NUP93: variants seen among roughly 807,000 people sequenced by gnomAD.
NUP93 encodes nuclear pore complex protein Nup93.
NUP93 carries 55 observed loss-of-function variants against 107.8 expected under a neutral mutation model. That is an observed-to-expected ratio of 0.51 (90% CI 0.41 to 0.64). The LOEUF is 0.64. Ranked by LOEUF, NUP93 falls within the 30% of genes least tolerant of loss-of-function variation. The probability of loss-of-function intolerance (pLI) is 0.00; values close to 1 mark genes in which losing one functional copy is unlikely to be tolerated. For missense variants in NUP93, 937 were observed against 1,044.7 expected, an observed-to-expected ratio of 0.90 and a Z score of 1.42; for synonymous variants, 390 against 397.5, an observed-to-expected ratio of 0.98 and a Z score of 0.22.
chr16:56,743,443 A>G (rs1961770640), intron 1 of NUP93, among the ~76,000 whole-genome samples: 1 of 152,090 alleles, frequency 6.6e-6, no homozygotes, highest in East Asian at 1.9e-4. Context: ...TTTTTCATTT[A>G]GTTAATTTGC....
intron 5 of NUP93, among the ~76,000 whole-genome samples, chr16:56,808,542 CTA>C (rs1183875559): frequency 1.0e-4 from 11 of 105,408 alleles, no homozygotes; most frequent in Non-Finnish European, 1.6e-4. Context: ...AGTTATATAA[CTA>C]TAAATATATA....
chr16:56,759,777 C>T (rs1962090726), intron 3 of NUP93, among the ~76,000 whole-genome samples: 1 of 151,856 alleles, frequency 6.6e-6, no homozygotes, highest in African/African-American at 2.4e-5. Context: ...TGAATAATCA[C>T]CATGTATTTT....
rs577250224 is a variant in NUP93, at chr16:56,733,864, C to T, written c.-15+3653C>T. On this transcript the variant is annotated intron_variant, in intron 1 of 21. Coordinates refer to ENST00000308159, the MANE Select transcript of NUP93 (RefSeq NM_014669.5). ...TACTTTTTTATAGCTTCAACTGTGTCCTCAAACAGCTAGATCCCCCATACA... is the reference window on the plus strand; with the variant it reads ...TACTTTTTTATAGCTTCAACTGTGTTCTCAAACAGCTAGATCCCCCATACA... Among the ~76,000 whole-genome samples the T allele has an allele frequency of 3.3e-5, 5 of 152,282 alleles. No homozygotes were observed. The South Asian group carries it at 1.0e-3, about 32-fold the overall frequency.
chr16:56,733,532 A>C (rs1036811523), intron 1 of NUP93, among the ~76,000 whole-genome samples: 4 of 152,266 alleles, frequency 2.6e-5, no homozygotes, highest in African/African-American at 9.6e-5. Flanking sequence ...TTACGAAAAG[A>C]GACTGGGAAC....
At chr16:56,817,347 T>A (rs985920407) in intron 5 of NUP93, among the ~76,000 whole-genome samples, 2 of 152,086 alleles carry the variant, frequency 1.3e-5, no homozygotes, top group African/African-American at 4.8e-5. Context: ...CTCCCCTCTC[T>A]CCCCCTCTCC....
At chr16:56,824,813 C>G (rs1275975826) in intron 8 of NUP93, among the ~76,000 whole-genome samples, 1 of 152,084 alleles carries the variant, frequency 6.6e-6, no homozygotes, top group Non-Finnish European at 1.5e-5. Flanking sequence ...CCATCAGACA[C>G]ATTACATTCA....
intron 3 of NUP93, among the ~76,000 whole-genome samples, chr16:56,779,078 T>G (rs1458762161): frequency 3.9e-5 from 6 of 152,166 alleles, no homozygotes; most frequent in Admixed American, 2.0e-4. Context: ...CCTGGCTTCC[T>G]TCTTTACTCT....
Position 56,750,304 on chromosome 16 carries a change from G to A in NUP93, c.179+1878G>A, listed in dbSNP as rs148725610. On this transcript the variant is annotated intron_variant, in intron 2 of 21. Coordinates refer to ENST00000308159, the MANE Select transcript of NUP93 (RefSeq NM_014669.5). ...GATGACTGTGTTTTTCCATCTTCTTGATAGGCAGAGACATAAAGTGTGGTG... is the reference window on the plus strand; with the variant it reads ...GATGACTGTGTTTTTCCATCTTCTTAATAGGCAGAGACATAAAGTGTGGTG... Among the ~76,000 whole-genome samples, 33 of 152,238 alleles carry A rather than the reference G, an allele frequency of 2.2e-4. No homozygotes were observed. In the East Asian group the frequency reaches 5.6e-3, roughly 26 times the overall value.
intron 5 of NUP93, among the ~76,000 whole-genome samples, chr16:56,815,895 GCT>G (rs1491540993): frequency 8.0e-5 from 11 of 138,344 alleles, no homozygotes; most frequent in African/African-American, 2.5e-4. Flanking sequence ...TGCTGCTGCT[GCT>G]GGTGCTGCTG....
intron 2 of NUP93, among the ~76,000 whole-genome samples, chr16:56,758,279 C>T (rs1271592028): frequency 1.3e-5 from 2 of 152,084 alleles, no homozygotes; most frequent in Non-Finnish European, 2.9e-5. Flanking sequence ...GTAGTAGTAT[C>T]GTTTTATTCT....
chr16:56,806,259 A>G (rs7187512), intron 5 of NUP93, among the ~76,000 whole-genome samples: 63,588 of 151,040 alleles, frequency 0.42, 13,555 homozygotes, highest in East Asian at 0.61. Context: ...CCCATCTGAC[A>G]CCCAGTCTCT....
At chr16:56,823,645 A>G in intron 7 of NUP93, 62 bp from the exon 8 acceptor site, 2 of 1,589,682 alleles carry the variant, frequency 1.3e-6, no homozygotes, top group Non-Finnish European at 1.7e-6. Context: ...AGAGTGCCAC[A>G]AAGAACTAGA....
intron 5 of NUP93, among the ~76,000 whole-genome samples, chr16:56,815,439 G>A (rs1199834041): frequency 6.6e-6 from 1 of 152,074 alleles, no homozygotes; most frequent in African/African-American, 2.4e-5. Context: ...CTTGGTGGGG[G>A]CTTCCATCAA....
Position 56,746,347 on chromosome 16 carries a change from T to C in NUP93, c.-14-1887T>C, listed in dbSNP as rs529668317. On this transcript the variant is annotated intron_variant, in intron 1 of 21. Coordinates refer to ENST00000308159, the MANE Select transcript of NUP93 (RefSeq NM_014669.5). ...CTCTTCTCAAAATTCTTGTGTTTCC[T>C]TCTCTCTCCCTGAGGATACCTTCCT... Among the ~76,000 whole-genome samples, 285 of 152,342 alleles carry C rather than the reference T, an allele frequency of 1.9e-3. 2 individuals are homozygous for C. The highest frequency in any genetic ancestry group is 6.5e-3 in the African/African-American group (272 of 41,580).
At chr16:56,812,256 CAT>C in intron 5 of NUP93, among the ~76,000 whole-genome samples, 1 of 152,100 alleles carries the variant, frequency 6.6e-6, no homozygotes. Context: ...GTTTCTGAAA[CAT>C]GTTTTTCCCC....
Position 56,736,186 on chromosome 16 carries a change from C to T in NUP93, c.-15+5975C>T, listed in dbSNP as rs146513650. On this transcript the variant is annotated intron_variant, in intron 1 of 21. Transcript: ENST00000308159. ...CTCTACTAAAAATACAAAAATTACC[C>T]TGGCGTGATGGCACGTGCCTGTAAT... Among the ~76,000 whole-genome samples the T allele has an allele frequency of 3.4e-3, 525 of 152,208 alleles. 1 individual carries two copies. The highest frequency in any genetic ancestry group is 0.012 in the African/African-American group (510 of 41,496).
chr16:56,758,406 AG>A, intron 2 of NUP93, 131 bp from the exon 3 acceptor site: 2 of 683,146 alleles, frequency 2.9e-6, no homozygotes, highest in Non-Finnish European at 5.3e-6. Context: ...ACTATGTAAA[AG>A]TGTCTGGACA....
In NUP93 at chr16:56,810,055, G is replaced by C. The variant is rs542556272; in HGVS notation, c.489+4423G>C. 7.2e-5 allele frequency among the ~76,000 whole-genome samples: 11 copies of C among 152,314 alleles called. No homozygotes were observed. In the South Asian group the frequency reaches 1.9e-3, roughly 26 times the overall value. ...TGTAATTATAAATTGATAATGGGAT[G>C]TTCTTTCTTGATTGCTCTTCTCGTA... On this transcript the variant is annotated intron_variant, in intron 5 of 21. Coordinates refer to ENST00000308159, the MANE Select transcript of NUP93 (RefSeq NM_014669.5).
At chr16:56,825,683 G>A (rs7199480) in intron 8 of NUP93, among the ~76,000 whole-genome samples, 63,945 of 151,674 alleles carry the variant, frequency 0.42, 13,648 homozygotes, top group East Asian at 0.61. Context: ...TAGTCTTTTC[G>A]TTTAGTTTTA....
Sources: allele counts gnomAD v4.1 joint callset (sites outside exome capture counted in the v4.1 genomes callset), GRCh38; gene constraint gnomAD v4.1.1; transcripts MANE v1.5; gene names NCBI Gene and HGNC (gene_info 2026-07-23, HGNC 2026-07-21).